PHF6: variants seen among roughly 807,000 people sequenced by gnomAD.
PHF6 encodes PHD finger protein 6.
In PHF6, 7 loss-of-function variants were observed where a neutral mutation model predicts 34.0. That is an observed-to-expected ratio of 0.21 (90% CI 0.12 to 0.39). The LOEUF is 0.39. Among genes scored for constraint, PHF6 ranks in the 10% least tolerant of loss-of-function variants. PHF6 has a pLI of 1.00. For missense variants in PHF6, 128 were observed against 262.8 expected (o/e 0.49, Z 3.55); for synonymous variants, 89 against 88.4 (o/e 1.01, Z -0.04).
intron 5 of PHF6, among the ~76,000 whole-genome samples, chrX:134,399,648 A>G (rs1602704978): frequency 9.9e-6 from 1 of 100,548 alleles, no homozygotes; most frequent in African/African-American, 3.9e-5. Context: ...CCCAACCCCT[A>G]ACATACACAC....
intron 3 of PHF6, among the ~76,000 whole-genome samples, chrX:134,383,389 A>C (rs1479926532): frequency 3.6e-5 from 4 of 111,463 alleles, no homozygotes; most frequent in Non-Finnish European, 3.8e-5. Flanking sequence ...ATTTCTCTTA[A>C]TTTAAAGCCA....
intron 5 of PHF6, among the ~76,000 whole-genome samples, chrX:134,398,119 A>C (rs1390386170): frequency 8.9e-6 from 1 of 112,090 alleles, no homozygotes; most frequent in African/African-American, 3.2e-5. Flanking sequence ...AGAGGCAGGC[A>C]TGGTGGTTCA....
chrX:134,414,092 C>T lies in PHF6; in HGVS notation c.729+126C>T, dbSNP rs966344300. 8 of 642,829 alleles carry T rather than the reference C, an allele frequency of 1.2e-5. No individual in the cohort carries two copies. In the South Asian group the frequency reaches 2.0e-4, roughly 16 times the overall value. 53.0% of individuals were successfully genotyped at this position (642,829 alleles called of 1,213,427 possible). A position where few individuals can be genotyped will look rare whatever the true frequency, so the allele number is the denominator to read the frequency against. ...ATTTAGCTAGTAACCAAAAAATTTC[C>T]CCCCACCAGCATTAGTATTTTAGAG... is the stretch of plus-strand genomic sequence containing the variant. On this transcript the variant is annotated intron_variant, in intron 7 of 10. Coordinates refer to ENST00000370803, the MANE Select transcript of PHF6 (RefSeq NM_001015877.2).
rs1431011713 is a variant in PHF6, at chrX:134,427,315, T to A, written c.*1655T>A. 3.7e-5 allele frequency: 6 copies of A among 162,453 alleles called. No individual in the cohort carries two copies. Among genetic ancestry groups the A allele is most frequent in the Non-Finnish European group, 7.1e-5 (6 of 83,941 alleles). The allele number at this position is 162,453 out of a possible 1,213,427, so 13.4% of individuals were successfully genotyped here. ...GCAAGGACAGATCTAGATGTTTGTT[T>A]ACCAAGCTATGTGACTTCTCCCAAA... On this transcript the variant is annotated 3_prime_UTR_variant, in exon 11 of 11. Coordinates refer to ENST00000370803, the MANE Select transcript of PHF6 (RefSeq NM_001015877.2).
chrX:134,426,422 AG>A lies in PHF6; in HGVS notation c.*765del, dbSNP rs1038223445. ...TTAAACGTTTTTAAGATGTAAAGAA[AG>A]GGTTACCGCTTGCTAAGGACTTCAG... is the stretch of plus-strand genomic sequence containing the variant. On this transcript the variant is annotated 3_prime_UTR_variant, in exon 11 of 11. Transcript: ENST00000370803. The A allele has an allele frequency of 3.8e-5, 6 of 159,781 alleles. No individual in the cohort carries two copies. Among genetic ancestry groups the A allele is most frequent in the African/African-American group, 1.8e-4 (6 of 33,169 alleles). 13.2% of individuals were successfully genotyped at this position (159,781 alleles called of 1,213,427 possible). A position where few individuals can be genotyped will look rare whatever the true frequency, so the allele number is the denominator to read the frequency against.
intron 3 of PHF6, among the ~76,000 whole-genome samples, chrX:134,384,175 C>CT (rs1314099309): frequency 1.8e-5 from 2 of 111,109 alleles, no homozygotes; most frequent in African/African-American, 6.5e-5. Flanking sequence ...GGAGTCTTAC[C>CT]TATTGAGATA....
chrX:134,414,705 A>T (rs929346294), intron 7 of PHF6, among the ~76,000 whole-genome samples: 4 of 111,349 alleles, frequency 3.6e-5, no homozygotes, highest in African/African-American at 1.3e-4. Context: ...GCCAATTTAA[A>T]CTATTTTTTA....
In PHF6 at chrX:134,419,247, G is replaced by T. The variant is rs1294418673; in HGVS notation, c.968+1945G>T. 1.3e-4 allele frequency: 14 copies of T among 111,064 alleles called. No homozygotes were observed. In the Admixed American group the frequency reaches 1.4e-3, roughly 11 times the overall value. The allele number at this position is 111,064 out of a possible 1,213,427, so 9.2% of individuals were successfully genotyped here. A position where few individuals can be genotyped will look rare whatever the true frequency, so the allele number is the denominator to read the frequency against. ...AGAATTGAAAGACTGTTCAGGCTGG[G>T]CACAGTGGCTCACACTTATAATCTC... On this transcript the variant is annotated intron_variant, in intron 9 of 10. Coordinates refer to ENST00000370803, the MANE Select transcript of PHF6 (RefSeq NM_001015877.2).
At chrX:134,409,909 A>G (rs749935684) in intron 5 of PHF6, among the ~76,000 whole-genome samples, 26 of 110,856 alleles carry the variant, frequency 2.3e-4, no homozygotes, top group Middle Eastern at 4.7e-3. Context: ...AGCATGTTGC[A>G]TTTGGTTTTC....
intron 9 of PHF6, among the ~76,000 whole-genome samples, chrX:134,422,010 C>T (rs1313659338): frequency 9.1e-6 from 1 of 110,458 alleles, no homozygotes; most frequent in Non-Finnish European, 1.9e-5. Flanking sequence ...CCCATTGCAG[C>T]CTCAACCTCC....
intron 3 of PHF6, among the ~76,000 whole-genome samples, chrX:134,386,705 C>T (rs951237457): frequency 9.0e-6 from 1 of 111,549 alleles, no homozygotes; most frequent in Non-Finnish European, 1.9e-5. Flanking sequence ...CGTGAGCCAC[C>T]GTGCCTGGCC....
chrX:134,380,150 T>C (rs1465712968), intron 3 of PHF6, among the ~76,000 whole-genome samples: 2 of 83,598 alleles, frequency 2.4e-5, no homozygotes, highest in African/African-American at 4.1e-5. Context: ...TATTTGGACC[T>C]TTTTTTTTTT....
In PHF6 at chrX:134,427,895, T is replaced by A. The variant is rs940872873; in HGVS notation, c.*2235T>A. On this transcript the variant is annotated 3_prime_UTR_variant, in exon 11 of 11. Transcript: ENST00000370803. ...ACAGTACTTATGTTCCCAAGTAGCATCATCATCTTCTGGGTAGTAATTACA... is the reference window on the plus strand; with the variant it reads ...ACAGTACTTATGTTCCCAAGTAGCAACATCATCTTCTGGGTAGTAATTACA... 6.4e-6 allele frequency: 1 copy of A among 156,058 alleles called. No individual in the cohort carries two copies. Among genetic ancestry groups the A allele is most frequent in the Non-Finnish European group, 1.3e-5 (1 of 79,985 alleles). 12.9% of individuals were successfully genotyped at this position (156,058 alleles called of 1,213,427 possible).
intron 9 of PHF6, among the ~76,000 whole-genome samples, chrX:134,423,488 G>A (rs755551188): frequency 8.9e-6 from 1 of 111,892 alleles, no homozygotes; most frequent in Non-Finnish European, 1.9e-5. Context: ...AAGATTCTTC[G>A]TAGGTGCCAT....
chrX:134,422,728 T>C (rs1017688193), intron 9 of PHF6, among the ~76,000 whole-genome samples: 1 of 111,741 alleles, frequency 8.9e-6, no homozygotes, highest in African/African-American at 3.3e-5. Flanking sequence ...TTTTTTAAAA[T>C]GTCAGCCTCC....
chrX:134,422,602 T>G (rs892682074), intron 9 of PHF6, among the ~76,000 whole-genome samples: 1 of 112,299 alleles, frequency 8.9e-6, no homozygotes, highest in African/African-American at 3.2e-5. Context: ...ACCAGCCCTT[T>G]CTGGGTCCTG....
intron 3 of PHF6, among the ~76,000 whole-genome samples, chrX:134,390,965 T>C (rs1337650350): frequency 2.0e-5 from 2 of 101,383 alleles, no homozygotes; most frequent in Non-Finnish European, 3.9e-5. Context: ...TTTCTTTTTT[T>C]CTTTTTTTTT....
chrX:134,388,548 T>C (rs1000219320), intron 3 of PHF6, among the ~76,000 whole-genome samples: 1 of 111,354 alleles, frequency 9.0e-6, no homozygotes, highest in Non-Finnish European at 1.9e-5. Context: ...AATGTGTATC[T>C]ATACACTGAT....
At chrX:134,394,030 A>G in intron 5 of PHF6, 78 bp downstream of exon 5, 2 of 916,703 alleles carry the variant, frequency 2.2e-6, no homozygotes, top group Non-Finnish European at 3.2e-6. Context: ...ATTATACTAT[A>G]TTAATTTTAA....
Sources: allele counts gnomAD v4.1 joint callset (sites outside exome capture counted in the v4.1 genomes callset), GRCh38; gene constraint gnomAD v4.1.1; transcripts MANE v1.5; gene names NCBI Gene and HGNC (gene_info 2026-07-23, HGNC 2026-07-21).